EIF3A: variants seen among roughly 807,000 people sequenced by gnomAD.
EIF3A encodes the protein eukaryotic translation initiation factor 3 subunit A.
In EIF3A, 21 loss-of-function variants were observed where a neutral mutation model predicts 186.6. That is an observed-to-expected ratio of 0.11 (90% CI 0.08 to 0.16). The LOEUF is 0.16. EIF3A is among the 10% of genes least tolerant of loss of function. The pLI is 1.00. For missense variants in EIF3A, 1,306 were observed against 1,796.3 expected, an observed-to-expected ratio of 0.73 and a Z score of 4.93; for synonymous variants, 563 against 584.3, an observed-to-expected ratio of 0.96 and a Z score of 0.52.
chr10:119,057,852 G>T, intron 12 of EIF3A, 104 bp downstream of exon 12: 3 of 845,574 alleles, frequency 3.5e-6, no homozygotes, highest in Admixed American at 2.3e-5. Flanking sequence ...GTACCAAAAT[G>T]CATGAAATAA....
intron 1 of EIF3A, among the ~76,000 whole-genome samples, chr10:119,074,617 T>C (rs1405131997): frequency 1.3e-5 from 2 of 151,096 alleles, no homozygotes; most frequent in Non-Finnish European, 2.9e-5. Flanking sequence ...TCTAAAAAAT[T>C]CTTTTTTTTT....
chr10:119,036,237 T>C lies in EIF3A; in HGVS notation c.3951A>G (p.Lys1317=). ...VSSWRRADDR[K]DDRVEERDPP... ...GGTCCCGCTCTTCCACCCGGTCATC[T>C]TTCCTGTCATCAGCACGTCTCCAAG... The change falls in exon 22 of 22, where the codon AAA becomes AAG. Residue 1317 remains lysine, a synonymous_variant. Transcript: ENST00000369144. 3 of 1,614,084 alleles carry C rather than the reference T, an allele frequency of 1.9e-6. No individual in the cohort carries two copies. Among genetic ancestry groups the C allele is most frequent in the Non-Finnish European group, 2.5e-6 (3 of 1,180,020 alleles).
At position 119,052,396 on chromosome 10, in the gene EIF3A, G is replaced by GTGTGTGTGTGTGTGTGTGTGTGTGTA. The variant is rs1391760734; in HGVS notation, c.2197-1076_2197-1075insTACACACACACACACACACACACACA. 2.7e-4 allele frequency among the ~76,000 whole-genome samples: 40 copies of GTGTGTGTGTGTGTGTGTGTGTGTGTA among 150,330 alleles called. 1 individual carries two copies. Among genetic ancestry groups the GTGTGTGTGTGTGTGTGTGTGTGTGTA allele is most frequent in the African/African-American group, 9.1e-4 (37 of 40,544 alleles). On this transcript the variant is annotated intron_variant, in intron 14 of 21. Transcript: ENST00000369144. ...TGTGTGTGTGTGTGTGTGTGTGTGT[G>GTGTGTGTGTGTGTGTGTGTGTGTGTA]TGTTTTAAGACAGGGTCTGTCTCTG... is the stretch of plus-strand genomic sequence containing the variant.
intron 14 of EIF3A, among the ~76,000 whole-genome samples, chr10:119,055,259 G>A (rs749480142): frequency 2.0e-4 from 30 of 151,328 alleles, no homozygotes; most frequent in Non-Finnish European, 3.5e-4. Context: ...GAAGGGTCAA[G>A]GACAGGGAGA....
Position 119,039,522 on chromosome 10 carries a change from A to G in EIF3A, c.3527-1083T>C, listed in dbSNP as rs142973475. Among the ~76,000 whole-genome samples the G allele has an allele frequency of 1.4e-3, 219 of 152,162 alleles. 2 individuals carry two copies. In the East Asian group the frequency reaches 0.02, roughly 14 times the overall value. Reference sequence around the variant, plus strand: ...CACATCTCTACAAAAAAATACAAAAATTAGCTGGGCTTGGTGGTGTGCACC... The same window carrying G: ...CACATCTCTACAAAAAAATACAAAAGTTAGCTGGGCTTGGTGGTGTGCACC... On this transcript the variant is annotated intron_variant, in intron 19 of 21. Transcript: ENST00000369144.
Position 119,037,223 on chromosome 10 carries a change from T to TCATCCC in EIF3A, c.3809_3814dup (p.Asp1271_Asp1272insGlyAsp). The TCATCCC allele has an allele frequency of 1.2e-6, 2 of 1,614,110 alleles. No homozygotes were observed. Among genetic ancestry groups the TCATCCC allele is most frequent in the Non-Finnish European group, 1.7e-6 (2 of 1,180,018 alleles). ...CCGGTCATCCCTCTCACGGCGACGG[T>TCATCCC]CATCCCTATCCCTATCGTCCCGGCG... On this transcript the variant is annotated inframe_insertion, in exon 21 of 22. Transcript: ENST00000369144.
Position 119,035,949 on chromosome 10 carries a change from C to T in EIF3A, c.*90G>A, listed in dbSNP as rs1417242910. 1 of 957,040 alleles carries T rather than the reference C, an allele frequency of 1.0e-6. No homozygotes were observed. The highest frequency in any genetic ancestry group is 1.6e-6 in the Non-Finnish European group (1 of 611,488). The allele number at this position is 957,040 out of a possible 1,614,324, so 59.3% of individuals were successfully genotyped here. On this transcript the variant is annotated 3_prime_UTR_variant, in exon 22 of 22. Coordinates refer to ENST00000369144, the MANE Select transcript of EIF3A (RefSeq NM_003750.4). Reference sequence around the variant, plus strand: ...TATGGTGAAACAACATTAAAGAATCCAATTTAGATTGGTTGAAGCACAAGT... The same window carrying T: ...TATGGTGAAACAACATTAAAGAATCTAATTTAGATTGGTTGAAGCACAAGT...
rs554061408 is a variant in EIF3A, at chr10:119,063,830, C to T, written c.1122+1569G>A. The stretch of plus-strand genomic sequence containing the variant: ...GCCGGCACGGTGGCACACCTGTAAT[C>T]CCAGCACTTAGGGAAGCCGAGGGGG... On this transcript the variant is annotated intron_variant, in intron 7 of 21. Transcript: ENST00000369144. 2.6e-5 allele frequency among the ~76,000 whole-genome samples: 4 copies of T among 152,316 alleles called. No individual in the cohort carries two copies. The South Asian group carries it at 8.3e-4, about 32-fold the overall frequency.
At position 119,059,595 on chromosome 10, in the gene EIF3A, T is replaced by C. The variant is rs201773602; in HGVS notation, c.1443+7A>G. ...CCTTCTCCTGTCTCCTTACAGCACATACCTACCTGCAAGTCGCAATGCCTG... is the reference window on the plus strand; with the variant it reads ...CCTTCTCCTGTCTCCTTACAGCACACACCTACCTGCAAGTCGCAATGCCTG... On this transcript the variant is annotated splice_region_variant and intron_variant, in intron 10 of 21. Coordinates refer to ENST00000369144, the MANE Select transcript of EIF3A (RefSeq NM_003750.4). The C allele has an allele frequency of 1.2e-6, 2 of 1,605,564 alleles. No homozygotes were observed.
In EIF3A at chr10:119,034,175, T is replaced by G. The variant is rs913249667; in HGVS notation, c.*1864A>C. The G allele has an allele frequency of 2.4e-5, 4 of 167,108 alleles. No individual in the cohort carries two copies. The highest frequency in any genetic ancestry group is 4.4e-5 in the Non-Finnish European group (3 of 68,150). 10.4% of individuals were successfully genotyped at this position (167,108 alleles called of 1,614,324 possible). A position where few individuals can be genotyped will look rare whatever the true frequency, so the allele number is the denominator to read the frequency against. ...AGACAGAGTTGTATGGCCTGGACAG[T>G]GGAAACCAAGAGCAGGATCGCAAAG... On this transcript the variant is annotated 3_prime_UTR_variant, in exon 22 of 22. Transcript: ENST00000369144.
rs367880512 is a variant in EIF3A, at chr10:119,037,253, G to A, written c.3785C>T (p.Ser1262Leu). Residue 1262 changes from serine to leucine, a missense_variant, in exon 21 of 22, where the codon TCA becomes TTA. This residue lies in a region of EIF3A where 331 missense variants were observed against 365.8 expected (regional missense o/e 0.90). Transcript: ENST00000369144. ...CCTATCCCTATCGTCCCGGCGACTTGAGTCTCTCCAGCTTGAAGATTCCTC... is the reference window on the plus strand; with the variant it reads ...CCTATCCCTATCGTCCCGGCGACTTAAGTCTCTCCAGCTTGAAGATTCCTC... ...PAEESSSWRD[S>L]SRRDDRDRDD... 5.4e-5 allele frequency: 87 copies of A among 1,613,918 alleles called. No homozygotes were observed. The highest frequency in any genetic ancestry group is 7.0e-5 in the Non-Finnish European group (83 of 1,180,018).
At chr10:119,068,757 T>C (rs1039138671) in intron 6 of EIF3A, among the ~76,000 whole-genome samples, 6 of 151,826 alleles carry the variant, frequency 4.0e-5, no homozygotes, top group Admixed American at 6.6e-5. Flanking sequence ...AGGTGGATCA[T>C]GAGGTGAGGA....
intron 3 of EIF3A, 106 bp downstream of exon 3, chr10:119,073,335 G>C: frequency 1.1e-6 from 1 of 898,656 alleles, no homozygotes; most frequent in African/African-American, 1.7e-5. Context: ...TCAAAGATTT[G>C]CATTTTTTTC....
chr10:119,075,937 A>C (rs1192808007), intron 1 of EIF3A, among the ~76,000 whole-genome samples: 4 of 115,152 alleles, frequency 3.5e-5, no homozygotes, highest in Admixed American at 2.3e-4. Flanking sequence ...CGTGTTAGCC[A>C]GGATGGTCTC....
At chr10:119,054,226 C>T (rs1360160911) in intron 14 of EIF3A, among the ~76,000 whole-genome samples, 1 of 152,034 alleles carries the variant, frequency 6.6e-6, no homozygotes, top group African/African-American at 2.4e-5. Context: ...TGGCCTTCTG[C>T]GGCTTTCTAA....
intron 21 of EIF3A, 58 bp downstream of exon 21, chr10:119,037,059 ATC>A (rs1564747471): frequency 1.5e-6 from 1 of 664,236 alleles, no homozygotes; most frequent in Admixed American, 2.8e-5. Flanking sequence ...AATAACCCAA[ATC>A]CCCCCCCCCC....
chr10:119,053,960 G>A (rs540950218), intron 14 of EIF3A, among the ~76,000 whole-genome samples: 1 of 152,254 alleles, frequency 6.6e-6, no homozygotes, highest in South Asian at 2.1e-4. Flanking sequence ...TCCCATGGTT[G>A]CCCAGGGTGG....
intron 21 of EIF3A, 98 bp downstream of exon 21, chr10:119,037,021 G>T: frequency 1.2e-6 from 1 of 816,796 alleles, no homozygotes; most frequent in South Asian, 1.7e-5. Flanking sequence ...CTTATTGTTG[G>T]CCTTCATACA....
chr10:119,049,012 T>C (rs148409473), intron 17 of EIF3A, among the ~76,000 whole-genome samples: 8 of 152,286 alleles, frequency 5.3e-5, no homozygotes, highest in African/African-American at 1.9e-4. Flanking sequence ...CTCTCTTCTG[T>C]AGCAAACTCA....
Sources: allele counts gnomAD v4.1 joint callset (sites outside exome capture counted in the v4.1 genomes callset), GRCh38; gene constraint gnomAD v4.1.1; regional missense constraint gnomAD v4.1.1; transcripts MANE v1.5; gene names NCBI Gene and HGNC (gene_info 2026-07-23, HGNC 2026-07-21).